Variants in PRCP observed in about 807,000 individuals in gnomAD.
The protein encoded by PRCP is prolylcarboxypeptidase, also known as lysosomal Pro-X carboxypeptidase.
A neutral mutation model predicts 54.2 loss-of-function variants in PRCP; 46 were observed. That is an observed-to-expected ratio of 0.85 (90% CI 0.67 to 1.09). PRCP has a LOEUF of 1.09. Ranked by LOEUF, PRCP falls within the 50% of genes least tolerant of loss-of-function variation. PRCP has a pLI of 0.00. For missense variants in PRCP, 613 were observed against 596.8 expected (o/e 1.03, Z -0.28); for synonymous variants, 240 against 212.2 (o/e 1.13, Z -1.14).
intron 8 of PRCP, chr11:82,830,728 A>G (rs532846782): frequency 2.7e-5 from 4 of 150,918 alleles, no homozygotes; most frequent in Non-Finnish European, 5.9e-5. Context: ...TAGAAGCCTT[A>G]GTTTTCAACT....
intron 1 of PRCP, among the ~76,000 whole-genome samples, chr11:82,898,965 C>A (rs540649197): frequency 1.1e-3 from 160 of 151,426 alleles, no homozygotes; most frequent in Non-Finnish European, 1.5e-3. Context: ...GGCAAGATGA[C>A]AAAATCCCAT....
chr11:82,843,539 T>C lies in PRCP; in HGVS notation c.922-4114A>G, dbSNP rs1037729932. Among the ~76,000 whole-genome samples the C allele has an allele frequency of 4.9e-5, 7 of 143,808 alleles. 1 individual carries two copies. Among genetic ancestry groups the C allele is most frequent in the Admixed American group, 2.1e-4 (3 of 14,144 alleles). The allele number at this position is 143,808 out of a possible 152,430, so 94.3% of individuals were successfully genotyped here. ...ACGTGACAAAAGCAAGCACTTGGCC[T>C]GTTGATTGTTTACATAGAGGCTGTG... On this transcript the variant is annotated intron_variant, in intron 6 of 8. Coordinates refer to ENST00000313010, the MANE Select transcript of PRCP (RefSeq NM_005040.4).
intron 1 of PRCP, among the ~76,000 whole-genome samples, chr11:82,862,321 T>C (rs1275355225): frequency 6.6e-6 from 1 of 152,222 alleles, no homozygotes; most frequent in African/African-American, 2.4e-5. Context: ...TATAACATGG[T>C]AAGATTCATG....
intron 1 of PRCP, among the ~76,000 whole-genome samples, chr11:82,871,156 T>A (rs1297552358): frequency 6.6e-6 from 1 of 151,622 alleles, no homozygotes; most frequent in East Asian, 1.9e-4. Flanking sequence ...TCCTTTATAG[T>A]CTATTGTTCT....
intron 6 of PRCP, among the ~76,000 whole-genome samples, chr11:82,844,459 G>A (rs752304204): frequency 1.6e-4 from 24 of 151,526 alleles, no homozygotes; most frequent in African/African-American, 2.7e-4. Flanking sequence ...GAAAGAGGCC[G>A]GGCGCGGTGG....
At chr11:82,892,833 G>T (rs545888359) in intron 1 of PRCP, among the ~76,000 whole-genome samples, 2 of 152,152 alleles carry the variant, frequency 1.3e-5, no homozygotes, top group Non-Finnish European at 2.9e-5. Flanking sequence ...ATGTTGTTTC[G>T]ATATAAGTTT....
intron 1 of PRCP, among the ~76,000 whole-genome samples, chr11:82,872,158 A>G (rs532111543): frequency 6.6e-6 from 1 of 152,334 alleles, no homozygotes; most frequent in Non-Finnish European, 1.5e-5. Flanking sequence ...ATGTATAGGA[A>G]AAAACATACT....
At chr11:82,873,463 G>C (rs1859527168) in intron 1 of PRCP, among the ~76,000 whole-genome samples, 1 of 152,152 alleles carries the variant, frequency 6.6e-6, no homozygotes, top group African/African-American at 2.4e-5. Context: ...GCATTTAATA[G>C]AAGTCAGTAA....
At chr11:82,888,019 G>C (rs1308743801) in intron 1 of PRCP, among the ~76,000 whole-genome samples, 1 of 152,080 alleles carries the variant, frequency 6.6e-6, no homozygotes, top group Non-Finnish European at 1.5e-5. Flanking sequence ...AGTTTCCCCT[G>C]AGTTTTTTGG....
intron 1 of PRCP, among the ~76,000 whole-genome samples, chr11:82,882,747 G>C (rs944856229): frequency 6.8e-6 from 1 of 147,648 alleles, no homozygotes; most frequent in African/African-American, 2.7e-5. Context: ...CGCCCGCCTC[G>C]GCCTCCCAAA....
At chr11:82,874,302 T>G (rs1003094932) in intron 1 of PRCP, among the ~76,000 whole-genome samples, 7 of 152,164 alleles carry the variant, frequency 4.6e-5, no homozygotes, top group Non-Finnish European at 8.8e-5. Context: ...AAGCTAGATA[T>G]GGTCACTGCC....
At chr11:82,879,795 A>G (rs987284021) in intron 1 of PRCP, among the ~76,000 whole-genome samples, 1 of 152,216 alleles carries the variant, frequency 6.6e-6, no homozygotes, top group Admixed American at 6.5e-5. Context: ...AGTTTGCTGG[A>G]GGTCCCTTCC....
intron 1 of PRCP, among the ~76,000 whole-genome samples, chr11:82,860,710 A>G (rs1859187912): frequency 6.6e-6 from 1 of 152,150 alleles, no homozygotes; most frequent in Non-Finnish European, 1.5e-5. Context: ...TTAAAAATTC[A>G]TGAACTAAAT....
intron 1 of PRCP, among the ~76,000 whole-genome samples, chr11:82,882,545 G>C (rs1277929190): frequency 6.9e-6 from 1 of 144,612 alleles, no homozygotes; most frequent in Admixed American, 6.8e-5. Context: ...GCCCAGGCTG[G>C]AGTGCAGTGG....
At chr11:82,855,588 G>C (rs533278974) in intron 2 of PRCP, among the ~76,000 whole-genome samples, 1 of 152,138 alleles carries the variant, frequency 6.6e-6, no homozygotes, top group African/African-American at 2.4e-5. Context: ...CACTGCACTC[G>C]AGCCTGGGCA....
At chr11:82,889,725 G>C (rs1859958775) in intron 1 of PRCP, among the ~76,000 whole-genome samples, 1 of 152,198 alleles carries the variant, frequency 6.6e-6, no homozygotes. Context: ...GAAAGGAATG[G>C]GCATATGTGG....
chr11:82,889,200 T>A (rs74966775), intron 1 of PRCP, among the ~76,000 whole-genome samples: 36,865 of 151,110 alleles, frequency 0.24, 4,989 homozygotes, highest in Admixed American at 0.3. Context: ...TTTCTTTTTT[T>A]TAAAAAAAAT....
intron 8 of PRCP, among the ~76,000 whole-genome samples, chr11:82,835,281 G>A (rs1406941986): frequency 6.6e-6 from 1 of 151,682 alleles, no homozygotes; most frequent in Non-Finnish European, 1.5e-5. Context: ...GCCTTTTTTT[G>A]CAAAGTGGGC....
At chr11:82,858,544 A>T (rs1194366940) in intron 2 of PRCP, 1 of 152,198 alleles carries the variant, frequency 6.6e-6, no homozygotes, top group African/African-American at 2.4e-5. Flanking sequence ...CACTTTCGAG[A>T]ACAGAGATAC....
Sources: allele counts gnomAD v4.1 joint callset (sites outside exome capture counted in the v4.1 genomes callset), GRCh38; gene constraint gnomAD v4.1.1; transcripts MANE v1.5; gene names NCBI Gene and HGNC (gene_info 2026-07-23, HGNC 2026-07-21).